The following GIGYF2 variants were observed in gnomAD, a reference collection of about 807,000 sequenced individuals.
The protein encoded by GIGYF2 is GRB10 interacting GYF protein 2, also known as GRB10-interacting GYF protein 2.
GIGYF2 carries 25 observed loss-of-function variants against 208.1 expected under a neutral mutation model. The ratio of observed to expected loss-of-function variants is 0.12; its 90% CI spans 0.09 to 0.17. GIGYF2 has a LOEUF of 0.17. Ranked by LOEUF, GIGYF2 falls within the 10% of genes least tolerant of loss-of-function variation. GIGYF2 has a pLI of 1.00. For missense variants in GIGYF2, 1,302 were observed against 1,579.4 expected, an observed-to-expected ratio of 0.82 and a Z score of 2.98; for synonymous variants, 534 against 543.8, an observed-to-expected ratio of 0.98 and a Z score of 0.25.
Position 232,796,239 on chromosome 2 carries a change from C to A in GIGYF2, c.1639+18C>A. ...AATTCAAGGCAAGTTGTTCCTTTTT[C>A]CTTTAAATACTGAAGTGTGTGCCAT... On this transcript the variant is annotated intron_variant, in intron 14 of 28. Transcript: ENST00000373563. 6.7e-7 allele frequency: 1 copy of A among 1,489,000 alleles called. No individual in the cohort carries two copies. The highest frequency in any genetic ancestry group is 1.1e-5 in the South Asian group (1 of 88,538). The allele number at this position is 1,489,000 out of a possible 1,614,324, so 92.2% of individuals were successfully genotyped here. A position where few individuals can be genotyped will look rare whatever the true frequency, so the allele number is the denominator to read the frequency against.
chr2:232,838,805 C>T (rs1422046162), intron 22 of GIGYF2, among the ~76,000 whole-genome samples: 1 of 152,038 alleles, frequency 6.6e-6, no homozygotes, highest in African/African-American at 2.4e-5. Context: ...GTTAACTTCC[C>T]TCTGCACCCC....
chr2:232,842,556 T>G (rs1485845878), intron 23 of GIGYF2, among the ~76,000 whole-genome samples: 2 of 152,228 alleles, frequency 1.3e-5, no homozygotes, highest in African/African-American at 4.8e-5. Context: ...TATTTTTGTT[T>G]TGGTCTTTGG....
At position 232,760,496 on chromosome 2, in the gene GIGYF2, A is replaced by G; in HGVS notation, c.396A>G (p.Glu132=). The G allele has an allele frequency of 6.2e-7, 1 of 1,612,644 alleles. No individual in the cohort carries two copies. The highest frequency in any genetic ancestry group is 1.3e-5 in the African/African-American group (1 of 74,958). Residue 132 remains glutamate, a synonymous_variant, in exon 7 of 29, where the codon GAA becomes GAG. Transcript: ENST00000373563. ...TATTTTCAGGCAGAGGCAGAGGTGA[A>G]TGTGGTTTCTACCAAAGAAGTTTTG... ...SSRGRGRGRG[E]CGFYQRSFDE...
intron 1 of GIGYF2, among the ~76,000 whole-genome samples, chr2:232,702,331 C>T (rs184328870): frequency 5.5e-4 from 84 of 151,792 alleles, no homozygotes; most frequent in African/African-American, 1.9e-3. Context: ...CCTAGCTTCT[C>T]GGGAGGCTGA....
Position 232,756,178 on chromosome 2 carries a change from T to C in GIGYF2, c.268-45T>C, listed in dbSNP as rs1553609614. The C allele has an allele frequency of 3.3e-6, 4 of 1,205,862 alleles. No individual in the cohort carries two copies. The Admixed American group carries it at 8.0e-5, about 24-fold the overall frequency. 74.7% of individuals were successfully genotyped at this position (1,205,862 alleles called of 1,614,324 possible). ...TTATCTGTTTCATCCATTTTTTTCT[T>C]TCTTTTTTTCCTTTTTCTCTTTTTT... On this transcript the variant is annotated intron_variant, in intron 5 of 28. Transcript: ENST00000373563.
At chr2:232,797,489 T>TTGTGTGTGTGTGTGTGTGTGTG (rs67221198) in intron 14 of GIGYF2, among the ~76,000 whole-genome samples, 3 of 144,992 alleles carry the variant, frequency 2.1e-5, no homozygotes, top group Admixed American at 6.9e-5. Flanking sequence ...AGAGCAGGGC[T>TTGTGTGTGTGTGTGTGTGTGTG]TGTGTGTGTG....
chr2:232,756,115 A>G, intron 5 of GIGYF2, 108 bp from the exon 6 acceptor site: 4 of 665,930 alleles, frequency 6.0e-6, no homozygotes, highest in Non-Finnish European at 5.2e-6. Context: ...GCCTTTTTAT[A>G]GATGCAGTAG....
In GIGYF2 at chr2:232,836,312, ATATATATATATATAT is replaced by A. The variant is rs1701616074; in HGVS notation, c.2766+3220_2766+3234del. ...TATATATATATATATATATATATAT[ATATATATATATATAT>A]ATACATATATATACTTATATATTTA... On this transcript the variant is annotated intron_variant, in intron 22 of 28. Coordinates refer to ENST00000373563, the MANE Select transcript of GIGYF2 (RefSeq NM_001103146.3). Among the ~76,000 whole-genome samples, 7 of 23,376 alleles carry A rather than the reference ATATATATATATATAT, an allele frequency of 3.0e-4. 2 individuals are homozygous for A. Among genetic ancestry groups the A allele is most frequent in the South Asian group, 1.0e-3 (1 of 974 alleles). 15.3% of individuals were successfully genotyped at this position (23,376 alleles called of 152,430 possible). A position where few individuals can be genotyped will look rare whatever the true frequency, so the allele number is the denominator to read the frequency against.
chr2:232,813,238 A>AGAG (rs1700792944), intron 18 of GIGYF2, among the ~76,000 whole-genome samples: 2 of 134,778 alleles, frequency 1.5e-5, no homozygotes, highest in South Asian at 4.5e-4. Context: ...TGCCCGGGCT[A>AGAG]GAGTGCAGTG....
At chr2:232,848,884 T>G (rs559591044) in intron 27 of GIGYF2, among the ~76,000 whole-genome samples, 1 of 152,290 alleles carries the variant, frequency 6.6e-6, no homozygotes, top group South Asian at 2.1e-4. Flanking sequence ...CAAATACATT[T>G]TAACAAGTAG....
At chr2:232,780,620 A>G (rs1297199428) in intron 8 of GIGYF2, among the ~76,000 whole-genome samples, 1 of 152,222 alleles carries the variant, frequency 6.6e-6, no homozygotes, top group Non-Finnish European at 1.5e-5. Context: ...GAGCTCATTC[A>G]TTGACTGTAG....
intron 18 of GIGYF2, 77 bp downstream of exon 18, chr2:232,812,568 AAAATAT>A: frequency 1.4e-6 from 1 of 707,466 alleles, no homozygotes; most frequent in South Asian, 1.5e-5. Context: ...CAGTTCTTAA[AAAATAT>A]ATTAGGTTTC....
In GIGYF2 at chr2:232,816,946, C is replaced by G. The variant is rs776618331; in HGVS notation, c.2284C>G (p.Arg762Gly). The change falls in exon 20 of 29, where the codon CGA becomes GGA. Residue 762 changes from arginine to glycine, a missense_variant. Arg to Gly is a moderately radical substitution (Grantham distance 125). Coordinates refer to ENST00000373563, the MANE Select transcript of GIGYF2 (RefSeq NM_001103146.3). The part of the protein sequence containing the change: ...EEERKRQEEL[R>G]RQQEEILRRQ... ...AGAGCGAAAGAGGCAGGAAGAACTC[C>G]GAAGACAACAGGAGGAAATTCTTCG... 6.2e-7 allele frequency: 1 copy of G among 1,611,848 alleles called. No individual in the cohort carries two copies. Among genetic ancestry groups the G allele is most frequent in the Non-Finnish European group, 8.5e-7 (1 of 1,178,188 alleles).
chr2:232,754,311 TAC>T (rs1442207191), intron 5 of GIGYF2, among the ~76,000 whole-genome samples: 1 of 152,312 alleles, frequency 6.6e-6, no homozygotes, highest in East Asian at 1.9e-4. Flanking sequence ...TTATGAGCAG[TAC>T]TGCAGTTAAT....
intron 2 of GIGYF2, among the ~76,000 whole-genome samples, 179 bp downstream of exon 2, chr2:232,703,668 C>T (rs1024361255): frequency 1.3e-5 from 2 of 152,190 alleles, no homozygotes; most frequent in African/African-American, 4.8e-5. Context: ...ACCCTTTCTG[C>T]ATTGACCCTG....
intron 2 of GIGYF2, among the ~76,000 whole-genome samples, chr2:232,727,511 G>A (rs950893834): frequency 2.6e-5 from 4 of 152,294 alleles, no homozygotes; most frequent in African/African-American, 9.6e-5. Context: ...TGGGAATAGC[G>A]GGGAGGCAAG....
At position 232,847,517 on chromosome 2, in the gene GIGYF2, A is replaced by AGCAGCAGCAGCAGCTGCCGCAG. The variant is rs775324034; in HGVS notation, c.3630_3631insGCAGCAGCAGCAGCTGCCGCAG (p.Gln1211AlafsTer53). ...AGCAGCGTCAGCAGCAGCAGCTGCC[A>AGCAGCAGCAGCAGCTGCCGCAG]CAGCAGCAGCAGCAGCAGCCGCCAC... On this transcript the variant is annotated frameshift_variant, in exon 27 of 29. Transcript: ENST00000373563. LOFTEE classifies it high-confidence loss of function. 4.8e-6 allele frequency: 2 copies of AGCAGCAGCAGCAGCTGCCGCAG among 415,918 alleles called. No homozygotes were observed. Among genetic ancestry groups the AGCAGCAGCAGCAGCTGCCGCAG allele is most frequent in the South Asian group, 3.9e-5 (2 of 51,648 alleles). 25.8% of individuals were successfully genotyped at this position (415,918 alleles called of 1,614,324 possible).
chr2:232,745,013 T>C (rs941771112), intron 3 of GIGYF2, among the ~76,000 whole-genome samples: 4 of 152,206 alleles, frequency 2.6e-5, no homozygotes, highest in African/African-American at 4.8e-5. Flanking sequence ...CAGTGTTCAG[T>C]GGATATTAAT....
chr2:232,735,064 A>G (rs1289393861), intron 2 of GIGYF2, 91 bp from the exon 3 acceptor site: 4 of 679,474 alleles, frequency 5.9e-6, no homozygotes, highest in Non-Finnish European at 8.0e-6. Context: ...TGAGAGGAGC[A>G]TAAATAAAAC....
Sources: gnomAD v4.1 joint callset for allele counts (sites outside exome capture counted in the v4.1 genomes callset) on GRCh38, gnomAD v4.1.1 for gene constraint, MANE v1.5 for transcripts, NCBI Gene and HGNC (gene_info 2026-07-23, HGNC 2026-07-21) for gene names.